The following PRPF6 variants were observed in gnomAD, a reference collection of about 807,000 sequenced individuals.
The protein encoded by PRPF6 is pre-mRNA-processing factor 6.
A neutral mutation model predicts 118.3 loss-of-function variants in PRPF6; 42 were observed. The ratio of observed to expected loss-of-function variants is 0.35; its 90% CI spans 0.28 to 0.46. PRPF6 has a LOEUF of 0.46. Ranked by LOEUF, PRPF6 falls within the 20% of genes least tolerant of loss-of-function variation. The pLI, the probability that PRPF6 is intolerant of heterozygous loss-of-function variation, is 1.00. For synonymous variants in PRPF6, 481 were observed against 485.1 expected (o/e 0.99, Z 0.11); for missense variants, 662 against 1,255.7 (o/e 0.53, Z 7.15).
At position 63,981,308 on chromosome 20, in the gene PRPF6, G is replaced by T; in HGVS notation, c.63G>T (p.Leu21=). 1 of 1,600,924 alleles carries T rather than the reference G, an allele frequency of 6.2e-7. No individual in the cohort carries two copies. Among genetic ancestry groups the T allele is most frequent in the East Asian group, 2.3e-5 (1 of 44,332 alleles). ...MPAPLGYVPG[L]GRGATGFTTR... ...CGCCCCTCGGCTACGTGCCGGGGCT[G>T]GGCCGGGGGTGAGGCCTGGGGCGGC... The change falls in exon 1 of 21, where the codon CTG becomes CTT. Residue 21 remains leucine (L), a synonymous_variant. Transcript: ENST00000266079.
At chr20:64,016,550 G>GT (rs1404683201) in intron 11 of PRPF6, among the ~76,000 whole-genome samples, 173 bp from the exon 12 acceptor site, 2 of 152,128 alleles carry the variant, frequency 1.3e-5, no homozygotes, top group South Asian at 2.1e-4. Context: ...TTTCTCTATT[G>GT]TTTTTTCTGA....
intron 2 of PRPF6, 129 bp from the exon 3 acceptor site, chr20:63,984,778 C>T (rs1035120097): frequency 4.4e-5 from 31 of 696,858 alleles, no homozygotes; most frequent in South Asian, 4.2e-4. Context: ...GGTAGACTGT[C>T]CCTTGATTTG....
rs762308213 is a variant in PRPF6, at chr20:63,995,391, C to T, written c.680C>T (p.Thr227Met). 12 of 1,613,972 alleles carry T rather than the reference C, an allele frequency of 7.4e-6. No homozygotes were observed. The highest frequency in any genetic ancestry group is 3.3e-5 in the Admixed American group (2 of 59,966). ...GLNTPYPGGM[T>M]PGLMTPGTGE... The stretch of plus-strand genomic sequence containing the variant: ...AACACTCCATACCCAGGTGGAATGA[C>T]GCCAGGACTGATGACACCTGGCACA... Residue 227 changes from threonine (T) to methionine (M), a missense_variant, in exon 6 of 21, where the codon ACG becomes ATG. Physicochemically the swap from Thr to Met is moderately conservative, Grantham distance 81. Around this residue, in one of 10 missense-constraint regions of PRPF6, gnomAD observed 97 missense variants for 122.6 expected, o/e 0.79. Transcript: ENST00000266079.
At chr20:64,004,996 C>G (rs925275636) in intron 9 of PRPF6, among the ~76,000 whole-genome samples, 7 of 152,132 alleles carry the variant, frequency 4.6e-5, no homozygotes, top group African/African-American at 1.7e-4. Flanking sequence ...TCACGTGACC[C>G]CCGGAGAGCA....
intron 9 of PRPF6, among the ~76,000 whole-genome samples, chr20:64,007,855 G>C (rs557058029): frequency 6.6e-6 from 1 of 151,976 alleles, no homozygotes; most frequent in South Asian, 2.1e-4. Flanking sequence ...TCAGCTTATT[G>C]CACCTGCGCC....
chr20:64,004,478 A>G (rs1299773983), intron 9 of PRPF6, among the ~76,000 whole-genome samples: 1 of 152,192 alleles, frequency 6.6e-6, no homozygotes, highest in African/African-American at 2.4e-5. Flanking sequence ...AATTAAGATG[A>G]CAGCTACTTC....
In PRPF6 at chr20:64,027,186, G is replaced by A. The variant is rs1197360179; in HGVS notation, c.2205+28G>A. The A allele has an allele frequency of 1.2e-6, 2 of 1,611,564 alleles. No homozygotes were observed. The highest frequency in any genetic ancestry group is 1.7e-6 in the Non-Finnish European group (2 of 1,179,600). The stretch of plus-strand genomic sequence containing the variant: ...ACGTCTCTGCCTGCACCCTGGGGCT[G>A]CAGCTGACCCGGCATTCACAAAACT... On this transcript the variant is annotated intron_variant, in intron 16 of 20. Coordinates refer to ENST00000266079, the MANE Select transcript of PRPF6 (RefSeq NM_012469.4). The surrounding 1 kb of genome is among the most constrained non-coding windows in gnomAD (Gnocchi z 6.5).
At position 64,031,932 on chromosome 20, in the gene PRPF6, A is replaced by C; in HGVS notation, c.2561A>C (p.Gln854Pro). 1 of 1,614,152 alleles carries C rather than the reference A, an allele frequency of 6.2e-7. No homozygotes were observed. Among genetic ancestry groups the C allele is most frequent in the Non-Finnish European group, 8.5e-7 (1 of 1,180,012 alleles). ...TGCTGGAACAGGCTGTTTTGGAGTC[A>C]GCGGAAGATCACCAAGGCCAGGGAG... ...LLAVAKLFWS[Q>P]RKITKAREWF... Residue 854 changes from glutamine to proline, a missense_variant, in exon 20 of 21, where the codon CAG becomes CCG. Transcript: ENST00000266079.
Position 64,033,100 on chromosome 20 carries a change from A to G in PRPF6, c.*107A>G. On this transcript the variant is annotated 3_prime_UTR_variant, in exon 21 of 21. Coordinates refer to ENST00000266079, the MANE Select transcript of PRPF6 (RefSeq NM_012469.4). ...AAAAGTTTTTATGTCTCGTGTCAGAACAGGCAGCCTGCTGGTTTTCTCTGG... is the reference window on the plus strand; with the variant it reads ...AAAAGTTTTTATGTCTCGTGTCAGAGCAGGCAGCCTGCTGGTTTTCTCTGG... 1 of 1,513,134 alleles carries G rather than the reference A, an allele frequency of 6.6e-7. No homozygotes were observed. Among genetic ancestry groups the G allele is most frequent in the Admixed American group, 1.8e-5 (1 of 56,732 alleles). The allele number at this position is 1,513,134 out of a possible 1,614,324, so 93.7% of individuals were successfully genotyped here.
intron 8 of PRPF6, 57 bp downstream of exon 8, chr20:63,999,816 G>A (rs1239655598): frequency 1.9e-6 from 3 of 1,593,802 alleles, no homozygotes; most frequent in Non-Finnish European, 2.6e-6. Flanking sequence ...GGCCCCTACG[G>A]GAGTAAACTT....
intron 12 of PRPF6, among the ~76,000 whole-genome samples, chr20:64,022,196 T>C (rs750260035): frequency 6.6e-6 from 1 of 152,278 alleles, no homozygotes; most frequent in Non-Finnish European, 1.5e-5. Flanking sequence ...GTCTCTTTCA[T>C]GTACACTGGA....
intron 6 of PRPF6, among the ~76,000 whole-genome samples, chr20:63,995,952 TGGCC>T (rs1459594192): frequency 2.0e-5 from 3 of 152,096 alleles, no homozygotes; most frequent in Non-Finnish European, 4.4e-5. Context: ...CCACTGCACT[TGGCC>T]TTTTTTTAAA....
intron 14 of PRPF6, 146 bp downstream of exon 14, chr20:64,024,839 C>A: frequency 7.8e-7 from 1 of 1,275,952 alleles, no homozygotes; most frequent in Non-Finnish European, 1.1e-6. Flanking sequence ...TCCACAGGAG[C>A]AGGGGCCGTG....
chr20:63,998,986 A>C (rs2059153747), intron 6 of PRPF6, 59 bp from the exon 7 acceptor site: 3 of 1,316,128 alleles, frequency 2.3e-6, no homozygotes, highest in Non-Finnish European at 3.3e-6. Context: ...GGACCCTCTG[A>C]GAACTTTGTT....
In PRPF6 at chr20:64,027,831, G is replaced by A; in HGVS notation, c.2339+95G>A. 1.3e-6 allele frequency: 2 copies of A among 1,557,764 alleles called. No homozygotes were observed. Among genetic ancestry groups the A allele is most frequent in the Non-Finnish European group, 8.8e-7 (1 of 1,132,510 alleles). On this transcript the variant is annotated intron_variant, in intron 17 of 20. Transcript: ENST00000266079. The surrounding 1 kb of genome is among the most constrained non-coding windows in gnomAD (Gnocchi z 6.5). ...CTGCTTGTGTGGAGTCACTCGTGCA[G>A]TGCTTCCAGGCTCAGGGGCTTGGGG...
chr20:64,024,445 G>T, intron 13 of PRPF6, 110 bp from the exon 14 acceptor site: 1 of 1,417,080 alleles, frequency 7.1e-7, no homozygotes, highest in South Asian at 1.2e-5. Flanking sequence ...TTATAGCATC[G>T]AACTTTGGAG....
At chr20:64,004,625 A>C (rs993583802) in intron 9 of PRPF6, among the ~76,000 whole-genome samples, 3 of 151,976 alleles carry the variant, frequency 2.0e-5, no homozygotes, top group Non-Finnish European at 4.4e-5. Flanking sequence ...TGATCTTGAG[A>C]CCTGAGGAGG....
At chr20:64,007,987 C>T (rs1030116814) in intron 9 of PRPF6, among the ~76,000 whole-genome samples, 17 of 152,086 alleles carry the variant, frequency 1.1e-4, no homozygotes, top group East Asian at 1.9e-4. Flanking sequence ...GTGTTGGCCA[C>T]GCTGGTCTCG....
intron 1 of PRPF6, among the ~76,000 whole-genome samples, chr20:63,982,078 C>T (rs1297157322): frequency 6.6e-6 from 1 of 151,996 alleles, no homozygotes; most frequent in Non-Finnish European, 1.5e-5. Flanking sequence ...GAATGTACAG[C>T]GAATAGAATA....
Sources: gnomAD v4.1 joint callset for allele counts (sites outside exome capture counted in the v4.1 genomes callset) on GRCh38, gnomAD v4.1.1 for gene constraint, gnomAD v4.1.1 regional missense constraint, Gnocchi (gnomAD v3.1) non-coding constraint, MANE v1.5 for transcripts, NCBI Gene and HGNC (gene_info 2026-07-23, HGNC 2026-07-21) for gene names.